Variants in USP42 observed in about 807,000 individuals in gnomAD.
USP42 encodes the protein ubiquitin specific peptidase 42.
A neutral mutation model predicts 113.0 loss-of-function variants in USP42; 23 were observed. That is an observed-to-expected ratio of 0.20 (90% CI 0.15 to 0.29). The LOEUF is 0.29. USP42 is among the 10% of genes least tolerant of loss of function. The pLI, the probability that USP42 is intolerant of heterozygous loss-of-function variation, is 1.00. For missense variants in USP42, 2,174 were observed against 1,779.8 expected, an observed-to-expected ratio of 1.22 and a Z score of -3.99; for synonymous variants, 933 against 699.0, an observed-to-expected ratio of 1.33 and a Z score of -5.28.
At position 6,161,410 on chromosome 7, in the gene USP42, T is replaced by A. The variant is rs1346579751; in HGVS notation, c.*892T>A. On this transcript the variant is annotated 3_prime_UTR_variant, in exon 18 of 18. Coordinates refer to ENST00000306177, the MANE Select transcript of USP42 (RefSeq NM_032172.3). ...GGGGAAAACTGTATTTAATACAGTT[T>A]GTATCTGAATAATCTGTATGGTTTA... 1.3e-5 allele frequency: 2 copies of A among 152,622 alleles called. No individual in the cohort carries two copies. Among genetic ancestry groups the A allele is most frequent in the African/African-American group, 2.4e-5 (1 of 41,450 alleles). The allele number at this position is 152,622 out of a possible 1,614,324, so 9.5% of individuals were successfully genotyped here.
intron 1 of USP42, among the ~76,000 whole-genome samples, chr7:6,106,646 C>T (rs1779296228): frequency 6.6e-6 from 1 of 152,150 alleles, no homozygotes; most frequent in Non-Finnish European, 1.5e-5. Flanking sequence ...CTCACTGTAG[C>T]CTCAATCTCC....
At chr7:6,153,134 A>G (rs923042587) in intron 14 of USP42, 1 of 168,394 alleles carries the variant, frequency 5.9e-6, no homozygotes, top group East Asian at 1.9e-4. Context: ...TCAGCTGGGC[A>G]TGGTGGTGGG....
At chr7:6,104,505 G>A (rs1779132731), upstream of USP42, among the ~76,000 whole-genome samples, 1 of 152,268 alleles carries the variant, frequency 6.6e-6, no homozygotes, top group African/African-American at 2.4e-5. Context: ...CCGTTTTCGG[G>A]GGACGGGGAT....
chr7:6,090,712 C>G, the USP42 span, among the ~76,000 whole-genome samples: 2 of 144,428 alleles, frequency 1.4e-5, no homozygotes, highest in African/African-American at 2.6e-5. Context: ...GAGACTCTGT[C>G]TCAAATAAAC....
intron 7 of USP42, among the ~76,000 whole-genome samples, chr7:6,141,206 T>C (rs899686099): frequency 3.4e-4 from 50 of 146,742 alleles, no homozygotes; most frequent in African/African-American, 1.0e-3. Flanking sequence ...CTTTTCTTTT[T>C]TTTTTTTTTT....
intron 3 of USP42, among the ~76,000 whole-genome samples, chr7:6,115,895 T>C (rs1055677551): frequency 2.6e-5 from 4 of 152,040 alleles, no homozygotes; most frequent in African/African-American, 2.4e-5. Flanking sequence ...GCCCAAGAGT[T>C]GGAGACCAAC....
chr7:6,150,598 T>C (rs2128516813), intron 14 of USP42, 92 bp downstream of exon 14: 1 of 1,073,402 alleles, frequency 9.3e-7, no homozygotes, highest in East Asian at 2.4e-5. Context: ...CTGTAGAAAT[T>C]TTATAATGAA....
chr7:6,099,950 G>A (rs1471084921), upstream of USP42, among the ~76,000 whole-genome samples: 4 of 126,982 alleles, frequency 3.2e-5, no homozygotes, highest in South Asian at 5.0e-4. Context: ...GTGACAGAAC[G>A]AGACTCCCTC....
At chr7:6,107,545 G>A (rs1779360099) in intron 1 of USP42, among the ~76,000 whole-genome samples, 2 of 151,866 alleles carry the variant, frequency 1.3e-5, no homozygotes, top group Admixed American at 1.3e-4. Context: ...GAGTAGCTGG[G>A]ATTACAGGCA....
At chr7:6,097,420 A>G in the USP42 span, among the ~76,000 whole-genome samples, 1 of 121,898 alleles carries the variant, frequency 8.2e-6, no homozygotes, top group African/African-American at 3.4e-5. Context: ...AGACAGGCTC[A>G]TGCACTGTTG....
intron 2 of USP42, among the ~76,000 whole-genome samples, chr7:6,113,521 A>G (rs1016597091): frequency 1.3e-5 from 2 of 152,056 alleles, no homozygotes; most frequent in Non-Finnish European, 2.9e-5. Context: ...TTCCCCACCA[A>G]GCTGTAGCCT....
chr7:6,119,120 C>T (rs1011582394), intron 3 of USP42, among the ~76,000 whole-genome samples: 3 of 151,590 alleles, frequency 2.0e-5, no homozygotes, highest in Admixed American at 6.6e-5. Flanking sequence ...GAGGCTGAGG[C>T]AGGAGGATTG....
chr7:6,146,984 C>T (rs1781751655), intron 11 of USP42, among the ~76,000 whole-genome samples: 3 of 152,256 alleles, frequency 2.0e-5, no homozygotes, highest in Admixed American at 2.0e-4. Flanking sequence ...CCAGCTCTGT[C>T]CTGTTGTGGC....
chr7:6,106,313 C>T (rs1164918436), intron 1 of USP42, among the ~76,000 whole-genome samples: 2 of 151,800 alleles, frequency 1.3e-5, no homozygotes, highest in African/African-American at 2.4e-5. Context: ...ACATTGTTTA[C>T]GAAGAAGCAG....
In USP42 at chr7:6,154,138, C is replaced by A; in HGVS notation, c.2584C>A (p.Arg862=). ...AGGGTTGAGTCCGGCTCCGCCTGCG[C>A]GGTCGGAGGAGCCCTGCGAGCAGCC... ...PEGLSPAPPA[R]SEEPCEQPLL... Residue 862 remains arginine, a synonymous_variant, in exon 15 of 18, where the codon CGG becomes AGG. Coordinates refer to ENST00000306177, the MANE Select transcript of USP42 (RefSeq NM_032172.3). 2 of 1,596,560 alleles carry A rather than the reference C, an allele frequency of 1.3e-6. No individual in the cohort carries two copies. Among genetic ancestry groups the A allele is most frequent in the Non-Finnish European group, 1.7e-6 (2 of 1,173,022 alleles).
At chr7:6,109,613 C>T (rs1021365935) in intron 1 of USP42, among the ~76,000 whole-genome samples, 6 of 151,522 alleles carry the variant, frequency 4.0e-5, no homozygotes, top group African/African-American at 9.7e-5. Flanking sequence ...AGGCTGGTCT[C>T]GAACTCCTGG....
At chr7:6,106,986 G>A (rs576015178) in intron 1 of USP42, among the ~76,000 whole-genome samples, 22 of 152,248 alleles carry the variant, frequency 1.4e-4, no homozygotes, top group Non-Finnish European at 2.6e-4. Flanking sequence ...GAACATGCAA[G>A]TATATGAATC....
intron 3 of USP42, chr7:6,116,777 A>G (rs149014516): frequency 2.1e-5 from 11 of 532,904 alleles, no homozygotes; most frequent in Admixed American, 5.8e-5. Context: ...GTTTGCCCTC[A>G]TTTTCTCCCT....
chr7:6,112,900 C>CTTT (rs34002709), intron 2 of USP42, among the ~76,000 whole-genome samples: 1,503 of 102,704 alleles, frequency 0.015, 82 homozygotes, highest in African/African-American at 0.054. Flanking sequence ...TAGTAAGTTT[C>CTTT]TTTTTTTTTT....
Sources: allele counts gnomAD v4.1 joint callset (sites outside exome capture counted in the v4.1 genomes callset), GRCh38; gene constraint gnomAD v4.1.1; transcripts MANE v1.5; gene names NCBI Gene and HGNC (gene_info 2026-07-23, HGNC 2026-07-21).